The following CIB3 variants were observed in gnomAD, a reference collection of about 807,000 sequenced individuals.
CIB3 encodes calcium and integrin binding family member 3, also known as calcium and integrin-binding family member 3.
Under a neutral mutation model 23.4 loss-of-function variants are expected in CIB3, and 22 were observed. That is an observed-to-expected ratio of 0.94 (90% confidence interval 0.67 to 1.34). The LOEUF is 1.34. Ranked by LOEUF, CIB3 falls within the 40% of genes most tolerant of loss-of-function variation. CIB3 has a pLI of 0.00. For synonymous variants in CIB3, 93 were observed against 95.8 expected (o/e 0.97, Z 0.17); for missense variants, 258 against 247.3 (o/e 1.04, Z -0.29).
chr19:16,161,510 C>A, intron 5 of CIB3, 24 bp from the exon 6 acceptor site: 2 of 1,613,600 alleles, frequency 1.2e-6, no homozygotes, highest in Non-Finnish European at 1.7e-6. Flanking sequence ...GAAAAGGAGT[C>A]AAGGCCTTCA....
chr19:16,167,997 G>T, intron 4 of CIB3, 140 bp downstream of exon 4: 1 of 1,026,216 alleles, frequency 9.7e-7, no homozygotes, highest in Non-Finnish European at 1.4e-6. Flanking sequence ...GAGGTGGGGA[G>T]GCATTGGAGT....
At chr19:16,163,198 G>A (rs1328235034) in intron 5 of CIB3, among the ~76,000 whole-genome samples, 4 of 152,056 alleles carry the variant, frequency 2.6e-5, no homozygotes, top group Non-Finnish European at 5.9e-5. Context: ...GGAGTTAGAG[G>A]CTGCAGTGAG....
rs1244634468 is a variant in CIB3, at chr19:16,173,382, AAAGTTGTCAAACCCACTGAGGACCC to A, written c.51+18_51+42del. ...TTCCCATTTCCCAGACCACGGAACC[AAAGTTGTCAAACCCACTGAGGACCC>A]ATCCTGCCCCCCTCTACCTGATACG... On this transcript the variant is annotated intron_variant, in intron 1 of 5. Coordinates refer to ENST00000269878, the MANE Select transcript of CIB3 (RefSeq NM_054113.4). 3.8e-6 allele frequency: 6 copies of A among 1,598,684 alleles called. No homozygotes were observed. Among genetic ancestry groups the A allele is most frequent in the Non-Finnish European group, 5.1e-6 (6 of 1,165,972 alleles).
chr19:16,169,601 A>G (rs1205965865), intron 3 of CIB3, 29 bp downstream of exon 3: 1 of 1,587,622 alleles, frequency 6.3e-7, no homozygotes. Flanking sequence ...ACTATTTTTT[A>G]CCCTGTTTGT....
rs2091339276 is a variant in CIB3, at chr19:16,173,459, G to C, written c.17C>G (p.Thr6Arg). 1 of 1,614,038 alleles carries C rather than the reference G, an allele frequency of 6.2e-7. No individual in the cohort carries two copies. Among genetic ancestry groups the C allele is most frequent in the Non-Finnish European group, 8.5e-7 (1 of 1,179,942 alleles). MGNKQ[T>R]VFTHEQLEAY... The stretch of plus-strand genomic sequence containing the variant: ...TTCCAGCTGCTCGTGTGTGAAGACT[G>C]TCTGCTTGTTGCCCATGGTGTGAAC... The change falls in exon 1 of 6, where the codon ACA (threonine) becomes AGA (arginine). Residue 6 changes from threonine (T) to arginine (R), a missense_variant. Transcript: ENST00000269878.
Position 16,173,493 on chromosome 19 carries a change from A to G in CIB3, c.-18T>C. ...TTGCCCATGGTGTGAACCACAGCCC[A>G]GACTTGGGGATGCACCCCAAAGGCT... On this transcript the variant is annotated 5_prime_UTR_variant, in exon 1 of 6. Coordinates refer to ENST00000269878, the MANE Select transcript of CIB3 (RefSeq NM_054113.4). 6.2e-7 allele frequency: 1 copy of G among 1,613,084 alleles called. No homozygotes were observed. Among genetic ancestry groups the G allele is most frequent in the South Asian group, 1.1e-5 (1 of 91,064 alleles).
chr19:16,161,551 C>T (rs1383246645), intron 5 of CIB3, 65 bp from the exon 6 acceptor site: 3 of 1,559,442 alleles, frequency 1.9e-6, no homozygotes, highest in East Asian at 4.5e-5. Context: ...CCTCCTCCCC[C>T]TCAACACGCT....
At chr19:16,169,175 A>T (rs1391718419) in intron 3 of CIB3, among the ~76,000 whole-genome samples, 1 of 151,774 alleles carries the variant, frequency 6.6e-6, no homozygotes, top group African/African-American at 2.4e-5. Context: ...ACAGAGTCTC[A>T]CTCTGTCGCC....
Position 16,167,356 on chromosome 19 carries a change from G to A in CIB3, c.346+781C>T, listed in dbSNP as rs114468065. On this transcript the variant is annotated intron_variant, in intron 4 of 5. Transcript: ENST00000269878. ...CTGAGCCAGGCTCAGATGACAGGTG[G>A]TGAGCAAAATAGATACTGTTGGTAC... Among the ~76,000 whole-genome samples, 744 of 152,334 alleles carry A rather than the reference G, an allele frequency of 4.9e-3. 9 individuals carry two copies. Among genetic ancestry groups the A allele is most frequent in the African/African-American group, 0.016 (684 of 41,582 alleles).
chr19:16,169,735 G>T lies in CIB3; in HGVS notation c.93C>A (p.Phe31Leu), dbSNP rs747850759. The change falls in exon 3 of 6, where the codon TTC (phenylalanine) becomes TTA (leucine). Residue 31 changes from phenylalanine (F) to leucine (L), a missense_variant. Transcript: ENST00000269878. Reference protein sequence around the residue: ...FFTRKEIMRLFYRYQDLAPQL... With the variant: ...FFTRKEIMRLLYRYQDLAPQL... ...GTGGGGCCAGGTCCTGGTAGCGATA[G>T]AAGAGCCTGATGTGGGGAGGAAAAA... 2 of 1,607,602 alleles carry T rather than the reference G, an allele frequency of 1.2e-6. No individual in the cohort carries two copies. The highest frequency in any genetic ancestry group is 1.7e-6 in the Non-Finnish European group (2 of 1,176,962).
chr19:16,169,332 C>T lies in CIB3; in HGVS notation c.198+298G>A, dbSNP rs1489449826. Among the ~76,000 whole-genome samples, 10 of 151,986 alleles carry T rather than the reference C, an allele frequency of 6.6e-5. 1 individual carries two copies. The highest frequency in any genetic ancestry group is 1.5e-4 in the Non-Finnish European group (10 of 67,988). ...CTAATTTTTGTATTTTTAGTAGAGACGGGGTTTCACCATGTTGGCCAGGCT... is the reference window on the plus strand; with the variant it reads ...CTAATTTTTGTATTTTTAGTAGAGATGGGGTTTCACCATGTTGGCCAGGCT... On this transcript the variant is annotated intron_variant, in intron 3 of 5. Coordinates refer to ENST00000269878, the MANE Select transcript of CIB3 (RefSeq NM_054113.4).
intron 3 of CIB3, among the ~76,000 whole-genome samples, chr19:16,168,863 A>C (rs947348260): frequency 3.9e-5 from 6 of 152,134 alleles, no homozygotes; most frequent in African/African-American, 1.4e-4. Flanking sequence ...GGGGCAATCC[A>C]TTTTGATCCA....
At chr19:16,171,589 G>T (rs1256778170) in intron 2 of CIB3, among the ~76,000 whole-genome samples, 2 of 152,166 alleles carry the variant, frequency 1.3e-5, no homozygotes, top group African/African-American at 4.8e-5. Context: ...AGGTTTCTGT[G>T]TGGCTCTGAG....
intron 4 of CIB3, among the ~76,000 whole-genome samples, chr19:16,165,218 G>C (rs185285463): frequency 6.7e-6 from 1 of 150,262 alleles, no homozygotes; most frequent in Non-Finnish European, 1.5e-5. Context: ...ACTTGAGCCC[G>C]GGAGGTGGAG....
intron 5 of CIB3, among the ~76,000 whole-genome samples, chr19:16,162,703 C>T (rs930264895): frequency 1.4e-5 from 2 of 147,168 alleles, no homozygotes; most frequent in Non-Finnish European, 3.0e-5. Context: ...TGCTGTGAGC[C>T]GAGATCGTGC....
At chr19:16,166,382 T>G (rs1288722427) in intron 4 of CIB3, among the ~76,000 whole-genome samples, 1 of 152,302 alleles carries the variant, frequency 6.6e-6, no homozygotes, top group South Asian at 2.1e-4. Context: ...TTCAAGTATT[T>G]CTTGAACACG....
intron 5 of CIB3, among the ~76,000 whole-genome samples, 166 bp downstream of exon 5, chr19:16,164,552 T>A (rs2091297452): frequency 1.3e-5 from 2 of 152,014 alleles, no homozygotes; most frequent in African/African-American, 4.8e-5. Context: ...TCCCTAATTA[T>A]CCCCATTTTA....
At chr19:16,167,047 C>T (rs1486645786) in intron 4 of CIB3, among the ~76,000 whole-genome samples, 1 of 152,018 alleles carries the variant, frequency 6.6e-6, no homozygotes, top group East Asian at 1.9e-4. Context: ...GAAACTCCGT[C>T]TCTACTAAAA....
chr19:16,168,435 G>C, intron 3 of CIB3, 151 bp from the exon 4 acceptor site: 1 of 1,152,494 alleles, frequency 8.7e-7, no homozygotes, highest in Non-Finnish European at 1.2e-6. Flanking sequence ...ACAGGACTTT[G>C]GACAACTCCA....
Sources: gnomAD v4.1 joint callset for allele counts (sites outside exome capture counted in the v4.1 genomes callset) on GRCh38, gnomAD v4.1.1 for gene constraint, MANE v1.5 for transcripts, NCBI Gene and HGNC (gene_info 2026-07-23, HGNC 2026-07-21) for gene names.